IFT88: variants seen among roughly 807,000 people sequenced by gnomAD.
IFT88 encodes the protein intraflagellar transport 88.
Under a neutral mutation model 119.5 loss-of-function variants are expected in IFT88, and 74 were observed. That is an observed-to-expected ratio of 0.62 (90% CI 0.51 to 0.75). The LOEUF (loss-of-function observed/expected upper bound fraction) is 0.75, where lower values mean the gene tolerates loss of function less well. IFT88 is among the 30% of genes least tolerant of loss of function. The probability of loss-of-function intolerance (pLI) is 0.00; values close to 1 mark genes in which losing one functional copy is unlikely to be tolerated. For missense variants in IFT88, 961 were observed against 977.7 expected, an observed-to-expected ratio of 0.98 and a Z score of 0.23; for synonymous variants, 279 against 316.7, an observed-to-expected ratio of 0.88 and a Z score of 1.26.
In IFT88 at chr13:20,631,045, A is replaced by G. The variant is rs1166549938; in HGVS notation, c.1329A>G (p.Lys443=). 1.2e-6 allele frequency: 2 copies of G among 1,605,210 alleles called. No individual in the cohort carries two copies. The highest frequency in any genetic ancestry group is 1.7e-5 in the Admixed American group (1 of 59,994). The change falls in exon 16 of 26, where the codon AAA becomes AAG. Residue 443 remains lysine (K), a synonymous_variant. Transcript: ENST00000351808. ...QAVEILKVLE[K]KDSRVKSAAA... is the part of the protein sequence containing the mutation. ...TAGAGATCTTAAAAGTGTTGGAAAA[A>G]AAGGACAGTAGAGTGAAAAGTGCAG...
At position 20,615,851 on chromosome 13, in the gene IFT88, G is replaced by C; in HGVS notation, c.1171G>C (p.Glu391Gln). 6.2e-7 allele frequency: 1 copy of C among 1,608,052 alleles called. No homozygotes were observed. Among genetic ancestry groups the C allele is most frequent in the South Asian group, 1.1e-5 (1 of 90,098 alleles). The part of the protein sequence containing the change: ...TSAKLIAPVI[E>Q]TSFAAGYDWC... ...TGCAAAACTCATTGCTCCTGTAATT[G>C]AAACATCTTTTGCTGCAGGTTATGA... The change falls in exon 14 of 26, where the codon GAA becomes CAA. Residue 391 changes from glutamate (E) to glutamine (Q), a missense_variant. Glu to Gln is a conservative substitution (Grantham distance 29). Coordinates refer to ENST00000351808, the MANE Select transcript of IFT88 (RefSeq NM_006531.5).
chr13:20,584,583 CTAGAG>C (rs1188677741), intron 3 of IFT88, among the ~76,000 whole-genome samples: 2 of 151,830 alleles, frequency 1.3e-5, no homozygotes, highest in Non-Finnish European at 2.9e-5. Flanking sequence ...ACATGAATTG[CTAGAG>C]TAGTTTTTTT....
intron 19 of IFT88, 78 bp downstream of exon 19, chr13:20,643,683 A>T: frequency 2.2e-6 from 2 of 918,134 alleles, no homozygotes; most frequent in Admixed American, 2.4e-5. Context: ...AGGCTTTAAA[A>T]TTTTAGAAGA....
At chr13:20,646,529 G>A (rs896660777) in intron 20 of IFT88, among the ~76,000 whole-genome samples, 3 of 151,888 alleles carry the variant, frequency 2.0e-5, no homozygotes, top group Non-Finnish European at 4.4e-5. Context: ...TGTTGGTGAG[G>A]CTGGTCTTGA....
chr13:20,627,344 G>A (rs184977099), intron 15 of IFT88, among the ~76,000 whole-genome samples: 93 of 152,240 alleles, frequency 6.1e-4, no homozygotes, highest in Non-Finnish European at 1.2e-3. Context: ...GAATAATTTT[G>A]TGTGTGACAT....
At chr13:20,574,726 GC>G (rs1284890832) in intron 2 of IFT88, among the ~76,000 whole-genome samples, 3 of 152,146 alleles carry the variant, frequency 2.0e-5, no homozygotes, top group African/African-American at 7.2e-5. Flanking sequence ...TTCAGCACTA[GC>G]TATCCAAATG....
At chr13:20,602,744 A>G (rs1320694598) in intron 12 of IFT88, among the ~76,000 whole-genome samples, 1 of 151,922 alleles carries the variant, frequency 6.6e-6, no homozygotes, top group Non-Finnish European at 1.5e-5. Context: ...TTAGCTGGGT[A>G]TGGTGGTGGG....
In IFT88 at chr13:20,690,830, C is replaced by T. The variant is rs377140569; in HGVS notation, c.2353+15C>T. 1.3e-5 allele frequency: 20 copies of T among 1,558,686 alleles called. No individual in the cohort carries two copies. The African/African-American group carries it at 2.0e-4, about 16-fold the overall frequency. On this transcript the variant is annotated intron_variant, in intron 25 of 25. Coordinates refer to ENST00000351808, the MANE Select transcript of IFT88 (RefSeq NM_006531.5). ...CAAAGAAATAGGCAAGTACTCTCCA[C>T]CCAGTTCCTCCAGGCATAGCAGGTC...
intron 24 of IFT88, among the ~76,000 whole-genome samples, chr13:20,679,947 G>A (rs2057130630): frequency 6.6e-6 from 1 of 152,138 alleles, no homozygotes; most frequent in African/African-American, 2.4e-5. Flanking sequence ...TATGCAGGGT[G>A]ACCATTAGCT....
intron 24 of IFT88, among the ~76,000 whole-genome samples, chr13:20,674,906 G>A (rs993938376): frequency 2.0e-5 from 3 of 151,092 alleles, no homozygotes; most frequent in African/African-American, 2.4e-5. Flanking sequence ...GTAGAGATGG[G>A]GTTTCACCAT....
chr13:20,591,544 T>G, intron 5 of IFT88, 74 bp from the exon 6 acceptor site: 1 of 1,066,898 alleles, frequency 9.4e-7, no homozygotes, highest in Non-Finnish European at 1.4e-6. Flanking sequence ...TATATTAAGG[T>G]GTGTGTAATG....
At chr13:20,577,212 T>G (rs2037560380) in intron 2 of IFT88, among the ~76,000 whole-genome samples, 1 of 152,256 alleles carries the variant, frequency 6.6e-6, no homozygotes, top group African/African-American at 2.4e-5. Context: ...TAGGTTGATT[T>G]TGTATCCTGC....
intron 11 of IFT88, among the ~76,000 whole-genome samples, chr13:20,600,481 G>T (rs1432002818): frequency 6.6e-6 from 1 of 152,104 alleles, no homozygotes; most frequent in African/African-American, 2.4e-5. Flanking sequence ...CCTGAGACCA[G>T]TCAGGGAAAT....
intron 10 of IFT88, 109 bp downstream of exon 10, chr13:20,598,862 A>G: frequency 1.5e-6 from 1 of 653,198 alleles, no homozygotes; most frequent in South Asian, 1.8e-5. Flanking sequence ...GCTCTAAACA[A>G]ATCAGTATTT....
At chr13:20,615,429 C>T (rs1290100866) in intron 13 of IFT88, among the ~76,000 whole-genome samples, 1 of 152,198 alleles carries the variant, frequency 6.6e-6, no homozygotes, top group Non-Finnish European at 1.5e-5. Context: ...CTTTACCACA[C>T]ACAATTTCTT....
At chr13:20,663,334 C>T (rs1471867025) in intron 22 of IFT88, 164 bp from the exon 23 acceptor site, 1 of 1,516,814 alleles carries the variant, frequency 6.6e-7, no homozygotes, top group East Asian at 2.5e-5. Context: ...GTCAGTTCTC[C>T]CTGGTCCAGA....
rs137873106 is a variant in IFT88, at chr13:20,589,589, A to G, written c.154-222A>G. 9.6e-3 allele frequency among the ~76,000 whole-genome samples: 1,456 copies of G among 152,282 alleles called. 23 individuals are homozygous for G. Among genetic ancestry groups the G allele is most frequent in the African/African-American group, 0.034 (1,400 of 41,558 alleles). On this transcript the variant is annotated intron_variant, in intron 3 of 25. Coordinates refer to ENST00000351808, the MANE Select transcript of IFT88 (RefSeq NM_006531.5). ...TCTTATCGGCACCTCAGATCGTTCA[A>G]AAGTCCCCTTTCTCCTTTAAAATGA... is the stretch of plus-strand genomic sequence containing the variant.
chr13:20,669,577 C>G (rs2055425658), intron 23 of IFT88, among the ~76,000 whole-genome samples: 1 of 152,072 alleles, frequency 6.6e-6, no homozygotes, highest in South Asian at 2.1e-4. Flanking sequence ...GCGCCTGCCA[C>G]CACACCCGGC....
At chr13:20,672,758 A>C (rs1226136724) in intron 24 of IFT88, among the ~76,000 whole-genome samples, 2 of 152,234 alleles carry the variant, frequency 1.3e-5, no homozygotes, top group African/African-American at 4.8e-5. Context: ...TATTCACACT[A>C]AGGATAAATA....
Sources: gnomAD v4.1 joint callset for allele counts (sites outside exome capture counted in the v4.1 genomes callset) on GRCh38, gnomAD v4.1.1 for gene constraint, MANE v1.5 for transcripts, NCBI Gene and HGNC (gene_info 2026-07-23, HGNC 2026-07-21) for gene names.